Variants in UNC5D observed in about 807,000 individuals in gnomAD.
UNC5D encodes netrin receptor UNC5D.
UNC5D carries 39 observed loss-of-function variants against 105.4 expected under a neutral mutation model. That is an observed-to-expected ratio of 0.37 (90% CI 0.29 to 0.48). The LOEUF is 0.48. Ranked by LOEUF, UNC5D falls within the 20% of genes least tolerant of loss-of-function variation. The pLI, the probability that UNC5D is intolerant of heterozygous loss-of-function variation, is 0.98. For missense variants in UNC5D, 991 were observed against 1,202.4 expected, an observed-to-expected ratio of 0.82 and a Z score of 2.60; for synonymous variants, 452 against 450.4, an observed-to-expected ratio of 1.00 and a Z score of -0.04.
At chr8:35,298,235 A>G (rs1268848644) in intron 1 of UNC5D, among the ~76,000 whole-genome samples, 1 of 152,158 alleles carries the variant, frequency 6.6e-6, no homozygotes, top group African/African-American at 2.4e-5. Flanking sequence ...GCTCTTTCCA[A>G]GTTTAAGGGA....
At chr8:35,264,897 A>G (rs143096553) in intron 1 of UNC5D, among the ~76,000 whole-genome samples, 95 of 152,336 alleles carry the variant, frequency 6.2e-4, no homozygotes, top group African/African-American at 2.0e-3. Context: ...CTTGCAGAGT[A>G]CAGCTGAGGG....
intron 16 of UNC5D, 32 bp downstream of exon 16, chr8:35,774,509 T>C (rs1802150765): frequency 1.9e-6 from 3 of 1,610,178 alleles, no homozygotes; most frequent in Non-Finnish European, 2.5e-6. Flanking sequence ...AAGACGATGT[T>C]ACTAAGAGAA....
intron 4 of UNC5D, among the ~76,000 whole-genome samples, chr8:35,596,631 A>G (rs1475112057): frequency 2.0e-5 from 3 of 152,180 alleles, no homozygotes. Flanking sequence ...ATCAATCAAC[A>G]TATGTAAGAC....
chr8:35,438,118 A>G (rs990785161), intron 1 of UNC5D, among the ~76,000 whole-genome samples: 5 of 151,788 alleles, frequency 3.3e-5, no homozygotes, highest in Admixed American at 2.6e-4. Context: ...CAAACAAACA[A>G]AAAACAAAAA....
At chr8:35,444,495 T>C (rs1807644337) in intron 1 of UNC5D, among the ~76,000 whole-genome samples, 1 of 152,102 alleles carries the variant, frequency 6.6e-6, no homozygotes, top group African/African-American at 2.4e-5. Context: ...TGTGTAAGTG[T>C]GCATGCATAT....
intron 2 of UNC5D, among the ~76,000 whole-genome samples, chr8:35,564,495 C>T (rs989635687): frequency 2.6e-5 from 4 of 152,142 alleles, no homozygotes; most frequent in African/African-American, 9.7e-5. Flanking sequence ...GAGAGGAAAA[C>T]ATAAAGCAAG....
At chr8:35,547,037 G>T (rs948518808) in intron 1 of UNC5D, among the ~76,000 whole-genome samples, 5 of 151,924 alleles carry the variant, frequency 3.3e-5, no homozygotes. Flanking sequence ...ATGTGAGGCT[G>T]TTTTTTCTCC....
At chr8:35,360,805 A>T (rs1418350465) in intron 1 of UNC5D, among the ~76,000 whole-genome samples, 1 of 152,102 alleles carries the variant, frequency 6.6e-6, no homozygotes, top group Non-Finnish European at 1.5e-5. Flanking sequence ...GAAATTGGCA[A>T]TATATATTTT....
intron 1 of UNC5D, among the ~76,000 whole-genome samples, chr8:35,517,605 C>T (rs759870101): frequency 1.3e-5 from 2 of 151,886 alleles, no homozygotes; most frequent in African/African-American, 2.4e-5. Context: ...GAGGTGAGTG[C>T]CCAATTTTCA....
At chr8:35,271,771 T>TTTATACATGTA (rs1805420613) in intron 1 of UNC5D, among the ~76,000 whole-genome samples, 1 of 135,296 alleles carries the variant, frequency 7.4e-6, no homozygotes, top group African/African-American at 2.7e-5. Context: ...ATACATATAT[T>TTTATACATGTA]TACATAGGCA....
intron 1 of UNC5D, among the ~76,000 whole-genome samples, chr8:35,329,400 G>GATATATATAT (rs36221011): frequency 1.4e-4 from 21 of 147,384 alleles, no homozygotes; most frequent in African/African-American, 5.2e-4. Flanking sequence ...TTATTGGGTT[G>GATATATATAT]ATATATATAT....
chr8:35,770,259 TTAAA>T (rs1174334672), intron 15 of UNC5D, among the ~76,000 whole-genome samples: 1 of 152,162 alleles, frequency 6.6e-6, no homozygotes, highest in Non-Finnish European at 1.5e-5. Context: ...ATAAAATACT[TTAAA>T]TATTGATTTT....
intron 7 of UNC5D, among the ~76,000 whole-genome samples, chr8:35,695,457 C>G (rs1358182632): frequency 6.6e-6 from 1 of 152,086 alleles, no homozygotes; most frequent in Non-Finnish European, 1.5e-5. Flanking sequence ...GCCTATAGTT[C>G]AAGGCTATAG....
chr8:35,694,440 C>T (rs1826615108), intron 7 of UNC5D, among the ~76,000 whole-genome samples: 1 of 152,106 alleles, frequency 6.6e-6, no homozygotes, highest in South Asian at 2.1e-4. Flanking sequence ...AATATCCATC[C>T]TTTAAATGAA....
chr8:35,471,370 C>T (rs1180575558), intron 1 of UNC5D, among the ~76,000 whole-genome samples: 1 of 152,054 alleles, frequency 6.6e-6, no homozygotes, highest in Admixed American at 6.6e-5. Context: ...TGTGCATCCT[C>T]CTCTCAGCAA....
intron 4 of UNC5D, among the ~76,000 whole-genome samples, chr8:35,631,783 T>G (rs1822058761): frequency 6.6e-6 from 1 of 152,250 alleles, no homozygotes; most frequent in Non-Finnish European, 1.5e-5. Context: ...TTTATAGGAT[T>G]ACAATATAGG....
intron 1 of UNC5D, among the ~76,000 whole-genome samples, chr8:35,443,241 C>A (rs1807556256): frequency 6.6e-6 from 1 of 151,618 alleles, no homozygotes; most frequent in African/African-American, 2.4e-5. Context: ...AAATGTGTAC[C>A]TACTGTGTGT....
intron 16 of UNC5D, among the ~76,000 whole-genome samples, chr8:35,783,962 T>A (rs1802622295): frequency 6.6e-6 from 1 of 152,196 alleles, no homozygotes; most frequent in Admixed American, 6.5e-5. Context: ...AGTTTAAAGA[T>A]GTATTCTGAA....
At chr8:35,305,241 A>G (rs1051266881) in intron 1 of UNC5D, among the ~76,000 whole-genome samples, 2 of 152,184 alleles carry the variant, frequency 1.3e-5, no homozygotes, top group African/African-American at 2.4e-5. Context: ...TTAATTGAAT[A>G]TAAATGAAGA....
Sources: allele counts gnomAD v4.1 joint callset (sites outside exome capture counted in the v4.1 genomes callset), GRCh38; gene constraint gnomAD v4.1.1; transcripts MANE v1.5; gene names NCBI Gene and HGNC (gene_info 2026-07-23, HGNC 2026-07-21).